Variants in C5orf47 observed in about 807,000 individuals in gnomAD.
C5orf47 encodes the protein chromosome 5 open reading frame 47.
In C5orf47, 20 loss-of-function variants were observed where a neutral mutation model predicts 20.6. The observed-to-expected ratio is 0.97, with a 90% confidence interval of 0.68 to 1.41. The LOEUF (loss-of-function observed/expected upper bound fraction) is 1.41. Ranked by LOEUF, C5orf47 falls within the 40% of genes most tolerant of loss-of-function variation. C5orf47 has a pLI of 0.00. For synonymous variants in C5orf47, 106 were observed against 97.3 expected (o/e 1.09, Z -0.53); for missense variants, 262 against 238.4 (o/e 1.10, Z -0.65).
intron 3 of C5orf47, among the ~76,000 whole-genome samples, chr5:174,000,474 T>C (rs1759176054): frequency 6.6e-6 from 1 of 152,174 alleles, no homozygotes; most frequent in Non-Finnish European, 1.5e-5. Context: ...AGTTATTTTC[T>C]TTCCTTAACG....
intron 1 of C5orf47, among the ~76,000 whole-genome samples, chr5:173,990,125 ATTTT>A (rs11292600): frequency 7.2e-6 from 1 of 138,212 alleles, no homozygotes. Context: ...TAGGAAGCCA[ATTTT>A]TTTTTTTTTT....
intron 1 of C5orf47, among the ~76,000 whole-genome samples, chr5:173,996,829 G>C (rs1252939763): frequency 6.6e-6 from 1 of 152,068 alleles, no homozygotes; most frequent in South Asian, 2.1e-4. Flanking sequence ...GAAGGGAGAC[G>C]ACCAAGTCTT....
At chr5:174,000,246 C>T (rs144375749) in intron 3 of C5orf47, among the ~76,000 whole-genome samples, 25 of 152,190 alleles carry the variant, frequency 1.6e-4, no homozygotes, top group Non-Finnish European at 3.1e-4. Flanking sequence ...CAAAGATCTA[C>T]CCTTGAGTTA....
At chr5:173,995,563 A>C (rs1759074738) in intron 1 of C5orf47, among the ~76,000 whole-genome samples, 1 of 152,208 alleles carries the variant, frequency 6.6e-6, no homozygotes, top group African/African-American at 2.4e-5. Flanking sequence ...AAATGGGGGT[A>C]ATGGTTCCTA....
Position 174,005,500 on chromosome 5 carries a change from C to A in C5orf47, c.*1246C>A, listed in dbSNP as rs1340688916. ...TCCACCTGTTTCTAGATGAAGGACA[C>A]ATTGCCTGGGGAAATGGCCTCGGTT... On this transcript the variant is annotated 3_prime_UTR_variant, in exon 5 of 5. Coordinates refer to ENST00000340147, the MANE Select transcript of C5orf47 (RefSeq NM_001144954.2). 2.6e-5 allele frequency: 4 copies of A among 152,308 alleles called. No homozygotes were observed. The highest frequency in any genetic ancestry group is 1.5e-5 in the Non-Finnish European group (1 of 68,040). 9.4% of individuals were successfully genotyped at this position (152,308 alleles called of 1,614,324 possible).
At chr5:174,000,674 C>T (rs1240761807) in intron 3 of C5orf47, among the ~76,000 whole-genome samples, 1 of 152,050 alleles carries the variant, frequency 6.6e-6, no homozygotes, top group African/African-American at 2.4e-5. Context: ...GCAGTGGAAA[C>T]TTATGGTTCA....
chr5:173,997,752 C>T (rs1046862937), intron 1 of C5orf47, among the ~76,000 whole-genome samples: 3 of 151,864 alleles, frequency 2.0e-5, no homozygotes, highest in African/African-American at 4.8e-5. Flanking sequence ...AAATTAGATA[C>T]ATTTGAGGTA....
rs558291398 is a variant in C5orf47, at chr5:174,003,630, T to C, written c.*17-641T>C. Among the ~76,000 whole-genome samples, 4 of 152,282 alleles carry C rather than the reference T, an allele frequency of 2.6e-5. No homozygotes were observed. The East Asian group carries it at 7.7e-4, about 29-fold the overall frequency. On this transcript the variant is annotated intron_variant, in intron 4 of 4. Transcript: ENST00000340147. ...GTAGATGTAGATGAAGACTTTAATGTGAAGATGGACAGAGGAGAGGACTGA... is the reference window on the plus strand; with the variant it reads ...GTAGATGTAGATGAAGACTTTAATGCGAAGATGGACAGAGGAGAGGACTGA...
chr5:173,991,396 G>A (rs1758994823), intron 1 of C5orf47, among the ~76,000 whole-genome samples: 1 of 152,004 alleles, frequency 6.6e-6, no homozygotes, highest in Non-Finnish European at 1.5e-5. Context: ...CCTGACCATA[G>A]GGGAAATGCC....
chr5:174,006,629 G>C (rs1304495830), downstream of C5orf47, among the ~76,000 whole-genome samples: 1 of 152,188 alleles, frequency 6.6e-6, no homozygotes, highest in East Asian at 1.9e-4. Context: ...ATAAAATAGT[G>C]AAATAATGGT....
chr5:173,990,727 C>T (rs1255538381), intron 1 of C5orf47, among the ~76,000 whole-genome samples: 3 of 152,166 alleles, frequency 2.0e-5, no homozygotes, highest in Non-Finnish European at 2.9e-5. Context: ...CGTGAGCCAC[C>T]GCGCCAGGCC....
downstream of C5orf47, among the ~76,000 whole-genome samples, chr5:174,007,722 T>G (rs1759313982): frequency 6.6e-6 from 1 of 152,100 alleles, no homozygotes; most frequent in South Asian, 2.1e-4. Context: ...CACACTCGGC[T>G]AATTTTTTTG....
chr5:173,996,943 G>C (rs78628622), intron 1 of C5orf47, among the ~76,000 whole-genome samples: 2,599 of 152,204 alleles, frequency 0.017, 30 homozygotes, highest in South Asian at 0.025. Context: ...CACCATATGA[G>C]TTAATATTCC....
chr5:174,007,759 T>C (rs985495755), downstream of C5orf47, among the ~76,000 whole-genome samples: 23 of 152,134 alleles, frequency 1.5e-4, no homozygotes, highest in African/African-American at 5.5e-4. Context: ...GGGGTTTCAC[T>C]GTATTAGCCA....
rs1319414180 is a variant in C5orf47 at position 173,993,902 on chromosome 5, C to T, written c.326-4251C>T. 3.3e-5 allele frequency among the ~76,000 whole-genome samples: 5 copies of T among 152,132 alleles called. No individual in the cohort carries two copies. The South Asian group carries it at 1.0e-3, about 31-fold the overall frequency. Reference sequence around the variant, plus strand: ...ACATCTTTATTAATCAAAATAGGAACCATTACAATAAACACATTTTTGCCA... The same window carrying T: ...ACATCTTTATTAATCAAAATAGGAATCATTACAATAAACACATTTTTGCCA... On this transcript the variant is annotated intron_variant, in intron 1 of 4. Coordinates refer to ENST00000340147, the MANE Select transcript of C5orf47 (RefSeq NM_001144954.2).
intron 1 of C5orf47, among the ~76,000 whole-genome samples, chr5:173,993,698 A>G (rs747482715): frequency 6.6e-6 from 1 of 152,204 alleles, no homozygotes; most frequent in Non-Finnish European, 1.5e-5. Context: ...CGTGCTGTAC[A>G]GGGGAGATTG....
downstream of C5orf47, among the ~76,000 whole-genome samples, chr5:174,008,834 A>G (rs1029931433): frequency 1.3e-5 from 2 of 148,946 alleles, no homozygotes; most frequent in African/African-American, 5.0e-5. Flanking sequence ...AAAAAAAAAA[A>G]AAAAAAAGAA....
intron 4 of C5orf47, among the ~76,000 whole-genome samples, chr5:174,002,913 C>T (rs1020905116): frequency 1.3e-5 from 2 of 152,014 alleles, no homozygotes; most frequent in African/African-American, 4.8e-5. Context: ...AATACAGGCC[C>T]GTCATTTTTC....
In C5orf47 at chr5:173,993,344, A is replaced by G. The variant is rs530657527; in HGVS notation, c.325+3756A>G. ...GAAGCCCTGCTTTAAAAGATTTTGAATAAGAAAAGTGATAGGAGCCAGGCG... is the reference window on the plus strand; with the variant it reads ...GAAGCCCTGCTTTAAAAGATTTTGAGTAAGAAAAGTGATAGGAGCCAGGCG... On this transcript the variant is annotated intron_variant, in intron 1 of 4. Transcript: ENST00000340147. 3.9e-5 allele frequency among the ~76,000 whole-genome samples: 6 copies of G among 152,264 alleles called. No individual in the cohort carries two copies. In the South Asian group the frequency reaches 1.2e-3, roughly 32 times the overall value.
Sources: allele counts gnomAD v4.1 joint callset (sites outside exome capture counted in the v4.1 genomes callset), GRCh38; gene constraint gnomAD v4.1.1; transcripts MANE v1.5; gene names NCBI Gene and HGNC (gene_info 2026-07-23, HGNC 2026-07-21).